FAM186A: variants seen among roughly 807,000 people sequenced by gnomAD.
The protein encoded by FAM186A is family with sequence similarity 186 member A, also known as protein FAM186A.
A neutral mutation model predicts 216.8 loss-of-function variants in FAM186A; 163 were observed. The ratio of observed to expected loss-of-function variants is 0.75; its 90% CI spans 0.66 to 0.86. The LOEUF (loss-of-function observed/expected upper bound fraction) is 0.86, where lower values mean the gene tolerates loss of function less well. Ranked by LOEUF, FAM186A falls within the 40% of genes least tolerant of loss-of-function variation. The pLI is 0.00. For synonymous variants in FAM186A, 805 were observed against 1,025.3 expected (o/e 0.79, Z 4.10); for missense variants, 2,184 against 2,746.2 (o/e 0.80, Z 4.58).
At chr12:50,370,465 C>T (rs576089561) in intron 1 of FAM186A, among the ~76,000 whole-genome samples, 4 of 151,930 alleles carry the variant, frequency 2.6e-5, no homozygotes, top group Admixed American at 1.3e-4. Context: ...TACTTCATAC[C>T]CATTAAGATG....
In FAM186A at chr12:50,353,147, TC is replaced by T; in HGVS notation, c.3684del (p.Ile1229SerfsTer3). Reference sequence around the variant, plus strand: ...TGGGCCTGCTGAAGGGTTAGAGTGATCCCCAGGGCCTGGGCCTGCTGAGGGG... The same window carrying T: ...TGGGCCTGCTGAAGGGTTAGAGTGATCCCAGGGCCTGGGCCTGCTGAGGGG... ...PLTPQQAQALGITLTLQQAQQ... is the reference protein window; with the variant it reads ...PLTPQQAQALXITLTLQQAQQ... On this transcript the variant is annotated frameshift_variant, in exon 4 of 8. Coordinates refer to ENST00000327337, the MANE Select transcript of FAM186A (RefSeq NM_001145475.3). LOFTEE classifies it high-confidence loss of function. 1 of 1,492,238 alleles carries T rather than the reference TC, an allele frequency of 6.7e-7. No homozygotes were observed. Among genetic ancestry groups the T allele is most frequent in the Non-Finnish European group, 9.0e-7 (1 of 1,113,158 alleles). 92.4% of individuals were successfully genotyped at this position (1,492,238 alleles called of 1,614,324 possible).
intron 4 of FAM186A, among the ~76,000 whole-genome samples, chr12:50,334,860 GT>G (rs1343348139): frequency 6.6e-6 from 1 of 152,100 alleles, no homozygotes; most frequent in East Asian, 1.9e-4. Context: ...CTTTAATCCA[GT>G]TCCTATGAAT....
chr12:50,353,083 G>C lies in FAM186A; in HGVS notation c.3749C>G (p.Ala1250Gly). ...CTTAGGGGTGAGAGTGATTCCGAGA[G>C]CCTGCGCCTGCTGAGGGGTGAGAGG... ...GIPLTPQQAQ[A>G]LGITLTPKQV... The change falls in exon 4 of 8, where the codon GCT (alanine) becomes GGT (glycine). Residue 1250 changes from alanine (A) to glycine (G), a missense_variant. Physicochemically the swap from Ala to Gly is moderately conservative, Grantham distance 60. Around this residue, in one of 7 missense-constraint regions of FAM186A, gnomAD observed 267 missense variants for 446.2 expected, o/e 0.60. Transcript: ENST00000327337. 6.5e-7 allele frequency: 1 copy of C among 1,537,858 alleles called. No homozygotes were observed. The highest frequency in any genetic ancestry group is 8.8e-7 in the Non-Finnish European group (1 of 1,139,964).
chr12:50,375,796 T>C lies in FAM186A; in HGVS notation c.193-12432A>G, dbSNP rs1943192462. Among the ~76,000 whole-genome samples the C allele has an allele frequency of 1.3e-5, 2 of 152,032 alleles. 1 individual carries two copies. Among genetic ancestry groups the C allele is most frequent in the East Asian group, 3.9e-4 (2 of 5,188 alleles). Reference sequence around the variant, plus strand: ...TCACAGGATCCTATGGGTGTCACTTTGCCAGCCAGAAACCTCTGTGGCCAG... The same window carrying C: ...TCACAGGATCCTATGGGTGTCACTTCGCCAGCCAGAAACCTCTGTGGCCAG... On this transcript the variant is annotated intron_variant, in intron 1 of 7. Transcript: ENST00000327337.
chr12:50,395,258 T>G (rs997035775), intron 1 of FAM186A, among the ~76,000 whole-genome samples: 22 of 151,970 alleles, frequency 1.4e-4, no homozygotes, highest in African/African-American at 5.1e-4. Context: ...CTGGCTAATT[T>G]TTTTATTTTT....
Position 50,354,126 on chromosome 12 carries a change from CT to C in FAM186A, c.2705del (p.Glu902GlyfsTer31), listed in dbSNP as rs1378835817. 3 of 1,551,638 alleles carry C rather than the reference CT, an allele frequency of 1.9e-6. No homozygotes were observed. Among genetic ancestry groups the C allele is most frequent in the Admixed American group, 2.0e-5 (1 of 50,976 alleles). On this transcript the variant is annotated frameshift_variant, in exon 4 of 8. Coordinates refer to ENST00000327337, the MANE Select transcript of FAM186A (RefSeq NM_001145475.3). LOFTEE classifies it high-confidence loss of function. ...CTCTTTGCTTTTGCTTTTCCTCTTGCTCAGCCTGCTTTGGAGTTGCCTGTTT... is the reference window on the plus strand; with the variant it reads ...CTCTTTGCTTTTGCTTTTCCTCTTGCCAGCCTGCTTTGGAGTTGCCTGTTT... ...EQKQATPKQA[E>X]QEEKQKQRGQ... is the part of the protein sequence containing the mutation.
intron 4 of FAM186A, among the ~76,000 whole-genome samples, chr12:50,337,256 A>T (rs1942717456): frequency 1.5e-5 from 2 of 134,232 alleles, no homozygotes; most frequent in South Asian, 2.5e-4. Flanking sequence ...AAACTTAGGG[A>T]CTTTATTGTT....
At chr12:50,376,607 C>T (rs964580498) in intron 1 of FAM186A, among the ~76,000 whole-genome samples, 1 of 152,126 alleles carries the variant, frequency 6.6e-6, no homozygotes, top group Non-Finnish European at 1.5e-5. Context: ...CTGACTGGTC[C>T]ATGAGCAGCC....
intron 1 of FAM186A, among the ~76,000 whole-genome samples, chr12:50,381,685 G>A (rs1307143221): frequency 1.3e-5 from 2 of 152,172 alleles, no homozygotes; most frequent in African/African-American, 4.8e-5. Context: ...AATAGAGCCA[G>A]GCAGGTTTAC....
At chr12:50,338,561 CAG>C (rs1397547319) in intron 4 of FAM186A, among the ~76,000 whole-genome samples, 2 of 152,154 alleles carry the variant, frequency 1.3e-5, no homozygotes, top group Non-Finnish European at 2.9e-5. Context: ...ATTTAAGTCT[CAG>C]AGAAGTTCTG....
At chr12:50,390,475 A>G (rs1432057593) in intron 1 of FAM186A, among the ~76,000 whole-genome samples, 1 of 152,130 alleles carries the variant, frequency 6.6e-6, no homozygotes, top group African/African-American at 2.4e-5. Context: ...ACTTGTTCAG[A>G]TTAAGTAAGA....
chr12:50,328,966 A>T lies in FAM186A; in HGVS notation c.7035-1562T>A, dbSNP rs201955301. Among the ~76,000 whole-genome samples, 6 of 152,096 alleles carry T rather than the reference A, an allele frequency of 3.9e-5. No homozygotes were observed. The East Asian group carries it at 1.2e-3, about 30-fold the overall frequency. Reference sequence around the variant, plus strand: ...CCTCATCTCTACTAAAAATACAAAAAAAATTAGCTAGGCATGGTGGCATGC... The same window carrying T: ...CCTCATCTCTACTAAAAATACAAAATAAATTAGCTAGGCATGGTGGCATGC... On this transcript the variant is annotated intron_variant, in intron 7 of 7. Coordinates refer to ENST00000327337, the MANE Select transcript of FAM186A (RefSeq NM_001145475.3).
At chr12:50,362,470 C>A (rs909519907) in intron 2 of FAM186A, among the ~76,000 whole-genome samples, 10 of 151,886 alleles carry the variant, frequency 6.6e-5, no homozygotes, top group Non-Finnish European at 1.3e-4. Flanking sequence ...GTAGGCCAGG[C>A]GCAGTGGCTC....
Position 50,334,052 on chromosome 12 carries a change from A to G in FAM186A, c.6555T>C (p.Tyr2185=), listed in dbSNP as rs1338705630. ...LKAIQNTGKG[Y]EARNLHMMLS... ...GCATCATGTGGAGGTTCCTGGCCTCATAGCCTTTCCCAGTATTTTGGATGG... is the reference window on the plus strand; with the variant it reads ...GCATCATGTGGAGGTTCCTGGCCTCGTAGCCTTTCCCAGTATTTTGGATGG... The change falls in exon 5 of 8, where the codon TAT becomes TAC. Residue 2185 remains tyrosine, a synonymous_variant. Coordinates refer to ENST00000327337, the MANE Select transcript of FAM186A (RefSeq NM_001145475.3). 1.5e-5 allele frequency: 24 copies of G among 1,550,912 alleles called. No homozygotes were observed. Among genetic ancestry groups the G allele is most frequent in the Non-Finnish European group, 1.7e-5 (20 of 1,146,818 alleles).
In FAM186A at chr12:50,330,665, C is replaced by G. The variant is rs1394396283; in HGVS notation, c.6942G>C (p.Trp2314Cys). The G allele has an allele frequency of 6.5e-7, 1 of 1,550,228 alleles. No individual in the cohort carries two copies. The highest frequency in any genetic ancestry group is 2.5e-5 in the East Asian group (1 of 40,782). Residue 2314 changes from tryptophan (W) to cysteine (C), a missense_variant, in exon 7 of 8, where the codon TGG becomes TGC. Around this residue, in one of 7 missense-constraint regions of FAM186A, gnomAD observed 721 missense variants for 816.4 expected, o/e 0.88. Transcript: ENST00000327337. ...TATCTGGGTACCCACCCAGCTGGGC[C>G]CAGAGTGAATGCATAGATGTCTTCT... The part of the protein sequence containing the change: ...IAEKTSMHSL[W>C]AQLGGYPDIP...
At chr12:50,392,319 C>T (rs1943364937) in intron 1 of FAM186A, 1 of 164,880 alleles carries the variant, frequency 6.1e-6, no homozygotes, top group Non-Finnish European at 1.3e-5. Context: ...GCTCTGTCGC[C>T]CAGGCTACAG....
chr12:50,331,607 G>A, intron 6 of FAM186A, 63 bp downstream of exon 6: 1 of 1,455,962 alleles, frequency 6.9e-7, no homozygotes, highest in Non-Finnish European at 9.2e-7. Flanking sequence ...TTCTTGGGCA[G>A]GGAAAAAAAA....
chr12:50,342,334 A>G (rs925285446), intron 4 of FAM186A, among the ~76,000 whole-genome samples: 1 of 151,662 alleles, frequency 6.6e-6, no homozygotes, highest in Non-Finnish European at 1.5e-5. Flanking sequence ...AAACAAAACA[A>G]AACAAAAAAA....
chr12:50,372,467 A>C (rs2136101490), intron 1 of FAM186A, among the ~76,000 whole-genome samples: 1 of 151,686 alleles, frequency 6.6e-6, no homozygotes, highest in Admixed American at 6.6e-5. Context: ...GGTGGTGGGC[A>C]CCTGTAATCC....
Sources: allele counts gnomAD v4.1 joint callset (sites outside exome capture counted in the v4.1 genomes callset), GRCh38; gene constraint gnomAD v4.1.1; regional missense constraint gnomAD v4.1.1; transcripts MANE v1.5; gene names NCBI Gene and HGNC (gene_info 2026-07-23, HGNC 2026-07-21).